MDGA2: variants seen among roughly 807,000 people sequenced by gnomAD.
The protein encoded by MDGA2 is MAM domain containing glycosylphosphatidylinositol anchor 2, also known as MAM domain-containing glycosylphosphatidylinositol anchor protein 2.
A neutral mutation model predicts 117.8 loss-of-function variants in MDGA2; 40 were observed. The ratio of observed to expected loss-of-function variants is 0.34; its 90% CI spans 0.26 to 0.44. MDGA2 has a LOEUF of 0.44. Ranked by LOEUF, MDGA2 falls within the 20% of genes least tolerant of loss-of-function variation. The pLI, the probability that MDGA2 is intolerant of heterozygous loss-of-function variation, is 1.00. For missense variants in MDGA2, 1,123 were observed against 1,250.6 expected (o/e 0.90, Z 1.54); for synonymous variants, 452 against 439.0 (o/e 1.03, Z -0.37).
intron 8 of MDGA2, among the ~76,000 whole-genome samples, chr14:46,966,847 CCTTATTTGG>C (rs1320009611): frequency 6.7e-6 from 1 of 148,770 alleles, no homozygotes; most frequent in Non-Finnish European, 1.5e-5. Context: ...GAGATATCTA[CCTTATTTGG>C]GAAGAATAAT....
At chr14:47,509,288 C>A (rs1390870753) in intron 1 of MDGA2, among the ~76,000 whole-genome samples, 3 of 152,098 alleles carry the variant, frequency 2.0e-5, no homozygotes, top group Non-Finnish European at 4.4e-5. Context: ...TTTTGTAAAA[C>A]CCTTGAAATG....
chr14:47,408,964 G>T (rs546335423), intron 1 of MDGA2, among the ~76,000 whole-genome samples: 11 of 152,284 alleles, frequency 7.2e-5, no homozygotes, highest in African/African-American at 2.6e-4. Flanking sequence ...AAAAGGACCT[G>T]AGAGAGGAAA....
At chr14:47,211,598 T>C (rs1233253688) in intron 3 of MDGA2, among the ~76,000 whole-genome samples, 1 of 152,142 alleles carries the variant, frequency 6.6e-6, no homozygotes, top group African/African-American at 2.4e-5. Flanking sequence ...TTATCTTTAC[T>C]ATCCTGGTCA....
chr14:47,290,784 C>T (rs1421777637), intron 2 of MDGA2, among the ~76,000 whole-genome samples: 1 of 130,322 alleles, frequency 7.7e-6, no homozygotes, highest in Non-Finnish European at 1.7e-5. Flanking sequence ...AGAACAGTGA[C>T]ACAAAGAATG....
At chr14:47,560,137 G>T (rs529847201) in intron 1 of MDGA2, among the ~76,000 whole-genome samples, 49 of 151,172 alleles carry the variant, frequency 3.2e-4, no homozygotes, top group African/African-American at 1.2e-3. Flanking sequence ...GTGCTATCTC[G>T]GGTCACTGCA....
chr14:47,504,798 A>G (rs935921512), intron 1 of MDGA2, among the ~76,000 whole-genome samples: 5 of 152,206 alleles, frequency 3.3e-5, no homozygotes, highest in Admixed American at 3.3e-4. Context: ...GTTCCACACA[A>G]AACTAAAAAT....
intron 2 of MDGA2, among the ~76,000 whole-genome samples, chr14:47,228,526 A>C (rs989073721): frequency 3.3e-5 from 5 of 152,180 alleles, no homozygotes; most frequent in Admixed American, 2.0e-4. Context: ...CCAGTTGTAT[A>C]ATAATGTAAC....
chr14:47,106,812 T>C (rs12435521), intron 5 of MDGA2, among the ~76,000 whole-genome samples: 59,385 of 134,020 alleles, frequency 0.44, 16,599 homozygotes, highest in African/African-American at 0.58. Context: ...TTTCCCTTGC[T>C]TCCATAACTG....
chr14:47,585,085 C>T (rs923696234), intron 1 of MDGA2, among the ~76,000 whole-genome samples: 1 of 151,856 alleles, frequency 6.6e-6, no homozygotes, highest in Admixed American at 6.6e-5. Flanking sequence ...AACATATATG[C>T]ATACAGGAGT....
At chr14:47,449,457 T>C (rs1156287171) in intron 1 of MDGA2, among the ~76,000 whole-genome samples, 1 of 152,166 alleles carries the variant, frequency 6.6e-6, no homozygotes, top group Non-Finnish European at 1.5e-5. Flanking sequence ...CTGATGAGAA[T>C]TGGCCACAGT....
At chr14:47,506,966 G>C (rs939374819) in intron 1 of MDGA2, among the ~76,000 whole-genome samples, 1 of 151,078 alleles carries the variant, frequency 6.6e-6, no homozygotes, top group African/African-American at 2.4e-5. Context: ...CTAGGAGGTA[G>C]TGGAAGAAGA....
intron 2 of MDGA2, among the ~76,000 whole-genome samples, chr14:47,298,886 C>G (rs1429774060): frequency 6.6e-6 from 1 of 151,902 alleles, no homozygotes; most frequent in Non-Finnish European, 1.5e-5. Flanking sequence ...CAGGGTTTCA[C>G]CACGTTAGCC....
chr14:46,890,778 C>T (rs1882850849), intron 10 of MDGA2, among the ~76,000 whole-genome samples: 1 of 152,046 alleles, frequency 6.6e-6, no homozygotes, highest in South Asian at 2.1e-4. Flanking sequence ...GCACAGAGAA[C>T]AAGGTCTTTA....
At chr14:47,424,412 T>C (rs1469435338) in intron 1 of MDGA2, among the ~76,000 whole-genome samples, 2 of 83,538 alleles carry the variant, frequency 2.4e-5, no homozygotes, top group South Asian at 5.1e-4. Context: ...AGATTCTGTC[T>C]CAAAAAAAAA....
At chr14:47,233,806 T>G (rs1351225023) in intron 2 of MDGA2, among the ~76,000 whole-genome samples, 1 of 152,144 alleles carries the variant, frequency 6.6e-6, no homozygotes, top group Non-Finnish European at 1.5e-5. Context: ...TAGACATTTC[T>G]GAGAACATTT....
intron 1 of MDGA2, among the ~76,000 whole-genome samples, chr14:47,623,170 C>G (rs563285076): frequency 6.6e-6 from 1 of 152,244 alleles, no homozygotes; most frequent in Non-Finnish European, 1.5e-5. Context: ...TCCCCTTCCA[C>G]TCTCTCTCAC....
In MDGA2 at chr14:47,411,858, C is replaced by T. The variant is rs367642160; in HGVS notation, c.281-110308G>A. ...CCATATTAGATCATTTGATATAATCCCAAAGACCCGTAAGACTTCCTATGG... is the reference window on the plus strand; with the variant it reads ...CCATATTAGATCATTTGATATAATCTCAAAGACCCGTAAGACTTCCTATGG... On this transcript the variant is annotated intron_variant, in intron 1 of 16. Coordinates refer to ENST00000399232, the MANE Select transcript of MDGA2 (RefSeq NM_001113498.3). 2.0e-5 allele frequency among the ~76,000 whole-genome samples: 3 copies of T among 152,206 alleles called. No homozygotes were observed. In the East Asian group the frequency reaches 5.8e-4, roughly 29 times the overall value.
At chr14:47,069,047 T>C (rs1158494408) in intron 6 of MDGA2, among the ~76,000 whole-genome samples, 1 of 152,156 alleles carries the variant, frequency 6.6e-6, no homozygotes, top group Non-Finnish European at 1.5e-5. Context: ...GACTGAAACT[T>C]GTTTAGGTCA....
chr14:47,395,052 G>A (rs1407459658), intron 1 of MDGA2, among the ~76,000 whole-genome samples: 1 of 152,128 alleles, frequency 6.6e-6, no homozygotes, highest in Admixed American at 6.5e-5. Context: ...TTACTCAGGA[G>A]GCTGAGGCAG....
Sources: gnomAD v4.1 joint callset for allele counts (sites outside exome capture counted in the v4.1 genomes callset) on GRCh38, gnomAD v4.1.1 for gene constraint, MANE v1.5 for transcripts, NCBI Gene and HGNC (gene_info 2026-07-23, HGNC 2026-07-21) for gene names.